The following AFF3 variants were observed in gnomAD, a reference collection of about 807,000 sequenced individuals.
AFF3 encodes ALF transcription elongation factor 3, also known as AF4/FMR2 family member 3.
Under a neutral mutation model 129.7 loss-of-function variants are expected in AFF3, and 32 were observed. The observed-to-expected ratio is 0.25, with a 90% confidence interval of 0.19 to 0.33. AFF3 has a LOEUF of 0.33. AFF3 is among the 10% of genes least tolerant of loss of function. The probability of loss-of-function intolerance (pLI) is 1.00; values close to 1 mark genes in which losing one functional copy is unlikely to be tolerated. For missense variants in AFF3, 1,373 were observed against 1,592.0 expected, an observed-to-expected ratio of 0.86 and a Z score of 2.34; for synonymous variants, 644 against 635.4, an observed-to-expected ratio of 1.01 and a Z score of -0.20.
rs146855733 is a variant in AFF3 at position 99,554,753 on chromosome 2, T to C, written c.3286-21A>G. The C allele has an allele frequency of 7.1e-5, 115 of 1,613,970 alleles. No individual in the cohort carries two copies. In the East Asian group the frequency reaches 2.5e-3, roughly 35 times the overall value. On this transcript the variant is annotated intron_variant, in intron 22 of 24. Coordinates refer to ENST00000672756, the MANE Select transcript of AFF3 (RefSeq NM_001386135.1). Reference sequence around the variant, plus strand: ...GAGTTCTGCAAGAAAATAAAAACACTGACAGTGAGTGCCATCTGCGTGAGG... The same window carrying C: ...GAGTTCTGCAAGAAAATAAAAACACCGACAGTGAGTGCCATCTGCGTGAGG...
chr2:99,948,498 G>A (rs1319303890), intron 7 of AFF3, among the ~76,000 whole-genome samples: 1 of 152,056 alleles, frequency 6.6e-6, no homozygotes, highest in Non-Finnish European at 1.5e-5. Context: ...TTATTCTATT[G>A]TGTTTCATTT....
chr2:99,628,391 T>C (rs1682797433), intron 13 of AFF3, among the ~76,000 whole-genome samples: 1 of 152,112 alleles, frequency 6.6e-6, no homozygotes, highest in Admixed American at 6.5e-5. Flanking sequence ...ATACTAGTGA[T>C]TTTTGCATGT....
In AFF3 at chr2:99,997,484, C is replaced by G. The variant is rs77761907; in HGVS notation, c.873+9148G>C. ...GGTCCCAGCAACTATCACCCCCCCC[C>G]CAGATTAGCACAATAACCTGCCAAG... On this transcript the variant is annotated intron_variant, in intron 7 of 24. Coordinates refer to ENST00000672756, the MANE Select transcript of AFF3 (RefSeq NM_001386135.1). 2.1e-3 allele frequency among the ~76,000 whole-genome samples: 315 copies of G among 151,996 alleles called. 2 individuals carry two copies. Among genetic ancestry groups the G allele is most frequent in the Middle Eastern group, 6.8e-3 (2 of 294 alleles).
chr2:99,549,839 A>T lies in AFF3; in HGVS notation c.*1635T>A, dbSNP rs566231417. On this transcript the variant is annotated 3_prime_UTR_variant, in exon 25 of 25. Transcript: ENST00000672756. ...GCTAACAAAAATGTTAACACTGCAAACCAACCTGTAAGAATATCAGTGAAT... is the reference window on the plus strand; with the variant it reads ...GCTAACAAAAATGTTAACACTGCAATCCAACCTGTAAGAATATCAGTGAAT... 2 of 223,716 alleles carry T rather than the reference A, an allele frequency of 8.9e-6. No individual in the cohort carries two copies. The highest frequency in any genetic ancestry group is 4.5e-5 in the African/African-American group (2 of 44,838). The allele number at this position is 223,716 out of a possible 1,614,324, so 13.9% of individuals were successfully genotyped here.
chr2:99,822,600 CTT>C (rs1210020325), intron 8 of AFF3, among the ~76,000 whole-genome samples: 1 of 152,152 alleles, frequency 6.6e-6, no homozygotes, highest in Non-Finnish European at 1.5e-5. Context: ...ACAAATCTCT[CTT>C]TGTGTTCTTT....
At chr2:99,592,185 C>T (rs1678749326) in intron 15 of AFF3, among the ~76,000 whole-genome samples, 1 of 152,182 alleles carries the variant, frequency 6.6e-6, no homozygotes, top group East Asian at 1.9e-4. Context: ...AAATGGGCTA[C>T]ACGTTCAGGC....
chr2:99,661,457 C>A (rs1480289895), intron 12 of AFF3, among the ~76,000 whole-genome samples: 2 of 152,094 alleles, frequency 1.3e-5, no homozygotes, highest in Non-Finnish European at 2.9e-5. Context: ...GTATGTTTGC[C>A]CAAATTTGAT....
intron 7 of AFF3, among the ~76,000 whole-genome samples, chr2:99,963,932 G>C (rs945603995): frequency 6.6e-6 from 1 of 151,682 alleles, no homozygotes; most frequent in African/African-American, 2.4e-5. Context: ...GATAGAAAAA[G>C]ATATACCATA....
chr2:100,067,914 C>G (rs1039615735), intron 4 of AFF3, among the ~76,000 whole-genome samples: 5 of 152,168 alleles, frequency 3.3e-5, no homozygotes, highest in Non-Finnish European at 5.9e-5. Context: ...GTTATTTACA[C>G]TGCCTACAAT....
At chr2:100,083,864 C>A (rs1277680689) in intron 4 of AFF3, among the ~76,000 whole-genome samples, 1 of 151,984 alleles carries the variant, frequency 6.6e-6, no homozygotes, top group African/African-American at 2.4e-5. Context: ...ACGGAGTGAG[C>A]CAGCTCCAGG....
At chr2:99,894,868 G>A (rs896982329) in intron 7 of AFF3, among the ~76,000 whole-genome samples, 5 of 152,182 alleles carry the variant, frequency 3.3e-5, no homozygotes, top group South Asian at 2.1e-4. Flanking sequence ...ATTTAAAAAT[G>A]TAAGTCCCTC....
intron 7 of AFF3, among the ~76,000 whole-genome samples, chr2:99,915,519 T>A (rs949741567): frequency 2.0e-5 from 3 of 152,116 alleles, no homozygotes; most frequent in Admixed American, 1.3e-4. Flanking sequence ...GGAGGGGAGT[T>A]CAAATCCCTT....
At chr2:99,683,398 C>A (rs1674716533) in intron 11 of AFF3, among the ~76,000 whole-genome samples, 1 of 152,094 alleles carries the variant, frequency 6.6e-6, no homozygotes, top group African/African-American at 2.4e-5. Flanking sequence ...TTACCCATTC[C>A]ATCTCGTGAC....
chr2:99,847,436 T>C (rs1051676336), intron 7 of AFF3, among the ~76,000 whole-genome samples: 16 of 151,970 alleles, frequency 1.1e-4, no homozygotes, highest in Non-Finnish European at 2.4e-4. Flanking sequence ...TCCCAGCACT[T>C]TGGGAGGCTG....
At chr2:100,031,229 A>C (rs1684462425) in intron 4 of AFF3, among the ~76,000 whole-genome samples, 1 of 152,220 alleles carries the variant, frequency 6.6e-6, no homozygotes, top group Non-Finnish European at 1.5e-5. Flanking sequence ...ACTGCTATAC[A>C]TGCATACTGG....
At chr2:99,598,877 C>A (rs1275190006) in intron 14 of AFF3, among the ~76,000 whole-genome samples, 1 of 152,242 alleles carries the variant, frequency 6.6e-6, no homozygotes, top group Non-Finnish European at 1.5e-5. Flanking sequence ...AACTCATTTT[C>A]TTTCTAAAGG....
chr2:100,137,568 G>C (rs1193505377), intron 1 of AFF3, among the ~76,000 whole-genome samples: 1 of 142,122 alleles, frequency 7.0e-6, no homozygotes, highest in South Asian at 2.3e-4. Flanking sequence ...CAGACACACA[G>C]AGGCATCCTG....
chr2:99,664,912 CT>C (rs1425836588), intron 12 of AFF3, among the ~76,000 whole-genome samples: 1 of 152,188 alleles, frequency 6.6e-6, no homozygotes, highest in Non-Finnish European at 1.5e-5. Flanking sequence ...ATGAAGGATA[CT>C]GTGAGACGGA....
chr2:99,750,307 A>C (rs1575863191), intron 9 of AFF3, among the ~76,000 whole-genome samples: 1 of 152,340 alleles, frequency 6.6e-6, no homozygotes, highest in East Asian at 1.9e-4. Flanking sequence ...AATGCAAATG[A>C]AAACAACAAG....
Sources: allele counts gnomAD v4.1 joint callset (sites outside exome capture counted in the v4.1 genomes callset), GRCh38; gene constraint gnomAD v4.1.1; transcripts MANE v1.5; gene names NCBI Gene and HGNC (gene_info 2026-07-23, HGNC 2026-07-21).